TNFRSF13B: variants seen among roughly 807,000 people sequenced by gnomAD.
TNFRSF13B encodes the protein TNF receptor superfamily member 13B.
In TNFRSF13B, 34 loss-of-function variants were observed where a neutral mutation model predicts 24.0. The observed-to-expected ratio is 1.41, with a 90% CI of 1.08 to 1.88. The LOEUF is 1.88. Among genes scored for constraint, TNFRSF13B ranks in the 40% most tolerant of loss-of-function variants. The pLI, the probability that TNFRSF13B is intolerant of heterozygous loss-of-function variation, is 0.00. For missense variants in TNFRSF13B, 415 were observed against 380.8 expected (o/e 1.09, Z -0.75); for synonymous variants, 173 against 150.3 (o/e 1.15, Z -1.10).
Position 16,939,457 on chromosome 17 carries a change from CCTCA to C in TNFRSF13B, c.*86_*89del. The C allele has an allele frequency of 7.0e-7, 1 of 1,427,798 alleles. No individual in the cohort carries two copies. Among genetic ancestry groups the C allele is most frequent in the East Asian group, 2.5e-5 (1 of 39,462 alleles). The allele number at this position is 1,427,798 out of a possible 1,614,324, so 88.4% of individuals were successfully genotyped here. Reference sequence around the variant, plus strand: ...CTCTCTGCCTCCTCTGTCTCTCTCTCCTCATATCTCTCTCCCCTCTCCCCACCTC... The same window carrying C: ...CTCTCTGCCTCCTCTGTCTCTCTCTCTATCTCTCTCCCCTCTCCCCACCTC... On this transcript the variant is annotated 3_prime_UTR_variant, in exon 5 of 5. Coordinates refer to ENST00000261652, the MANE Select transcript of TNFRSF13B (RefSeq NM_012452.3).
intron 3 of TNFRSF13B, 148 bp downstream of exon 3, chr17:16,948,590 A>G (rs866097798): frequency 2.1e-5 from 24 of 1,160,752 alleles, no homozygotes; most frequent in Middle Eastern, 5.8e-4. Flanking sequence ...TGTTTTTTTT[A>G]TCCTGGGATG....
At chr17:16,964,695 C>T (rs1457105842) in intron 1 of TNFRSF13B, among the ~76,000 whole-genome samples, 4 of 152,140 alleles carry the variant, frequency 2.6e-5, no homozygotes, top group Non-Finnish European at 4.4e-5. Context: ...GAAAACTGGT[C>T]AAGTCACCTT....
rs1254752861 is a variant in TNFRSF13B, at chr17:16,949,006, A to G, written c.200-23T>C. 2.5e-6 allele frequency: 4 copies of G among 1,613,764 alleles called. 1 individual carries two copies. The stretch of plus-strand genomic sequence containing the variant: ...ACCCTGGGAGAGAGAAATTCATGAT[A>G]CTGCTGGGTGACACAGACTAGCAGG... On this transcript the variant is annotated intron_variant, in intron 2 of 4. Coordinates refer to ENST00000261652, the MANE Select transcript of TNFRSF13B (RefSeq NM_012452.3).
At position 16,962,570 on chromosome 17, in the gene TNFRSF13B, A is replaced by G. The variant is rs557484730; in HGVS notation, c.61+9445T>C. On this transcript the variant is annotated intron_variant, in intron 1 of 4. Transcript: ENST00000261652. ...AAAGAAAGGTAATCATAGGACATGT[A>G]CAGCAGCTCAGCTGTGGGCAATATT... 2.0e-5 allele frequency among the ~76,000 whole-genome samples: 3 copies of G among 152,322 alleles called. No individual in the cohort carries two copies. In the South Asian group the frequency reaches 6.2e-4, roughly 32 times the overall value.
chr17:16,970,923 G>A lies in TNFRSF13B; in HGVS notation c.61+1092C>T, dbSNP rs139529234. Among the ~76,000 whole-genome samples the A allele has an allele frequency of 3.4e-3, 518 of 152,338 alleles. 4 individuals are homozygous for A. The highest frequency in any genetic ancestry group is 0.012 in the African/African-American group (496 of 41,576). Reference sequence around the variant, plus strand: ...TGAAGAACAAATTTGCTCCCTGCCTGAGGTGTGGGACAGAGCAGCAGGCAG... The same window carrying A: ...TGAAGAACAAATTTGCTCCCTGCCTAAGGTGTGGGACAGAGCAGCAGGCAG... On this transcript the variant is annotated intron_variant, in intron 1 of 4. Coordinates refer to ENST00000261652, the MANE Select transcript of TNFRSF13B (RefSeq NM_012452.3).
At chr17:16,952,653 C>T in intron 1 of TNFRSF13B, 70 bp from the exon 2 acceptor site, 1 of 1,608,512 alleles carries the variant, frequency 6.2e-7, no homozygotes, top group Non-Finnish European at 8.5e-7. Context: ...TGATGGGAAC[C>T]AAGACGGCCT....
intron 1 of TNFRSF13B, among the ~76,000 whole-genome samples, chr17:16,959,444 A>C (rs2087646757): frequency 6.6e-6 from 1 of 151,918 alleles, no homozygotes; most frequent in Non-Finnish European, 1.5e-5. Context: ...GAACAAACCA[A>C]ATCCAAAAAT....
intron 3 of TNFRSF13B, chr17:16,941,475 G>T: frequency 1.0e-6 from 1 of 987,644 alleles, no homozygotes. Flanking sequence ...CATCCTCTAG[G>T]CGCTGGGTGG....
chr17:16,946,990 CT>C (rs2087554643), intron 3 of TNFRSF13B, among the ~76,000 whole-genome samples: 3 of 152,070 alleles, frequency 2.0e-5, no homozygotes. Flanking sequence ...CCTCTTTTGC[CT>C]CTAAATGGAA....
rs964576531 is a variant in TNFRSF13B, at chr17:16,939,789, TC to T, written c.639del (p.Met214TrpfsTer7). On this transcript the variant is annotated frameshift_variant, in exon 5 of 5. Transcript: ENST00000261652. LOFTEE classifies it low-confidence loss of function (END_TRUNC). The stretch of plus-strand genomic sequence containing the variant: ...GTGCTCACAGGGCTGCCGGCTTCCA[TC>T]GCGTGATCTGCAGAGGCGAGAGTGG... ...QSPAKSSQDH[A>X]MEAGSPVSTS... 3.1e-6 allele frequency: 5 copies of T among 1,611,264 alleles called. No homozygotes were observed. The highest frequency in any genetic ancestry group is 4.2e-6 in the Non-Finnish European group (5 of 1,179,206).
chr17:16,962,522 A>G (rs1367581443), intron 1 of TNFRSF13B, among the ~76,000 whole-genome samples: 5 of 151,508 alleles, frequency 3.3e-5, no homozygotes, highest in Non-Finnish European at 5.9e-5. Flanking sequence ...CCAAAAAAAA[A>G]GAAAGAAAAA....
In TNFRSF13B at chr17:16,939,564, C is replaced by A. The variant is rs1205178707; in HGVS notation, c.865G>T (p.Gly289Trp). The change falls in exon 5 of 5, where the codon GGG becomes TGG. Residue 289 changes from glycine to tryptophan, a missense_variant. Gly to Trp is a radical substitution (Grantham distance 184, BLOSUM62 -2). Coordinates refer to ENST00000261652, the MANE Select transcript of TNFRSF13B (RefSeq NM_012452.3). ...ACCCCCATTTATGCACCTGGGCCCC[C>A]CTCCTGGGCAGGCACACACACAATG... ...LGIVCVPAQE[G>W]GPGA is the part of the protein sequence containing the mutation. The A allele has an allele frequency of 2.5e-6, 4 of 1,613,428 alleles. No individual in the cohort carries two copies. In the Admixed American group the frequency reaches 6.7e-5, roughly 27 times the overall value.
chr17:16,960,852 C>T (rs534970799), intron 1 of TNFRSF13B, among the ~76,000 whole-genome samples: 161 of 152,130 alleles, frequency 1.1e-3, no homozygotes, highest in African/African-American at 3.8e-3. Flanking sequence ...AAATCATATA[C>T]CTAATATGGG....
At chr17:16,966,290 GACA>G (rs2087699013) in intron 1 of TNFRSF13B, among the ~76,000 whole-genome samples, 3 of 149,488 alleles carry the variant, frequency 2.0e-5, no homozygotes, top group Admixed American at 2.0e-4. Flanking sequence ...AACAAAAAAC[GACA>G]ACAACAAAAA....
chr17:16,951,992 G>C (rs1044654420), intron 2 of TNFRSF13B, among the ~76,000 whole-genome samples: 39 of 152,228 alleles, frequency 2.6e-4, no homozygotes, highest in African/African-American at 9.2e-4. Context: ...AATTTGTGAA[G>C]CTGGTGATGG....
intron 1 of TNFRSF13B, among the ~76,000 whole-genome samples, chr17:16,967,339 C>A (rs1265065887): frequency 6.6e-6 from 1 of 152,102 alleles, no homozygotes; most frequent in Non-Finnish European, 1.5e-5. Flanking sequence ...AAAAACAAAA[C>A]AAGGTATATA....
intron 3 of TNFRSF13B, among the ~76,000 whole-genome samples, chr17:16,947,821 G>A (rs953145550): frequency 7.2e-5 from 11 of 152,180 alleles, no homozygotes; most frequent in South Asian, 4.1e-4. Context: ...CAGAGTTACC[G>A]TTCAGCACAG....
chr17:16,964,456 C>T (rs966218946), intron 1 of TNFRSF13B, among the ~76,000 whole-genome samples: 1 of 151,140 alleles, frequency 6.6e-6, no homozygotes, highest in African/African-American at 2.4e-5. Context: ...AATTCTTCTG[C>T]CTCAGCCTCC....
chr17:16,969,644 T>A (rs1170064404), intron 1 of TNFRSF13B, among the ~76,000 whole-genome samples: 2 of 152,196 alleles, frequency 1.3e-5, no homozygotes, highest in African/African-American at 2.4e-5. Flanking sequence ...AAACACAGAC[T>A]TGTATGCTTT....
Sources: gnomAD v4.1 joint callset for allele counts (sites outside exome capture counted in the v4.1 genomes callset) on GRCh38, gnomAD v4.1.1 for gene constraint, MANE v1.5 for transcripts, NCBI Gene and HGNC (gene_info 2026-07-23, HGNC 2026-07-21) for gene names.